FANCD2: variants seen among roughly 807,000 people sequenced by gnomAD.
The protein encoded by FANCD2 is Fanconi anemia group D2 protein.
FANCD2 carries 131 observed loss-of-function variants against 192.3 expected under a neutral mutation model. The observed-to-expected ratio is 0.68, with a 90% CI of 0.59 to 0.79. FANCD2 has a LOEUF of 0.79. Among genes scored for constraint, FANCD2 ranks in the 30% least tolerant of loss-of-function variants. FANCD2 has a pLI of 0.00. For missense variants in FANCD2, 1,508 were observed against 1,701.6 expected (o/e 0.89, Z 2.00); for synonymous variants, 524 against 612.5 (o/e 0.86, Z 2.13).
At chr3:10,061,946 A>G (rs1443152984) in intron 19 of FANCD2, among the ~76,000 whole-genome samples, 1 of 141,734 alleles carries the variant, frequency 7.1e-6, no homozygotes, top group East Asian at 2.4e-4. Context: ...CAGGAAAGGG[A>G]ACATCACACA....
At chr3:10,036,368 A>C in intron 7 of FANCD2, 29 bp downstream of exon 7, 2 of 1,543,618 alleles carry the variant, frequency 1.3e-6, no homozygotes, top group Non-Finnish European at 1.8e-6. Flanking sequence ...GAATGTTCAA[A>C]GTACCCTGAT....
chr3:10,099,225 GCA>G (rs1695159445), intron 43 of FANCD2: 3 of 1,346,778 alleles, frequency 2.2e-6, no homozygotes, highest in Non-Finnish European at 2.9e-6. Flanking sequence ...GAAAGCCAAA[GCA>G]CAGAGTCAGA....
chr3:10,067,482 C>G (rs1318991729), intron 26 of FANCD2, among the ~76,000 whole-genome samples, 165 bp downstream of exon 26: 1 of 152,156 alleles, frequency 6.6e-6, no homozygotes, highest in African/African-American at 2.4e-5. Flanking sequence ...AAAATACTAG[C>G]AAACCTAATT....
intron 4 of FANCD2, 72 bp from the exon 5 acceptor site, chr3:10,034,623 G>T: frequency 6.7e-7 from 1 of 1,493,494 alleles, no homozygotes; most frequent in Non-Finnish European, 9.3e-7. Flanking sequence ...AGTTGAGTGG[G>T]CTAGAATGAT....
At chr3:10,075,575 G>A (rs1221445026) in intron 29 of FANCD2, among the ~76,000 whole-genome samples, 1 of 152,130 alleles carries the variant, frequency 6.6e-6, no homozygotes, top group Non-Finnish European at 1.5e-5. Context: ...TATAGAAGTT[G>A]GGAGTAGAGG....
At chr3:10,058,500 G>C (rs1334019101) in intron 18 of FANCD2, among the ~76,000 whole-genome samples, 2 of 152,078 alleles carry the variant, frequency 1.3e-5, no homozygotes, top group Non-Finnish European at 2.9e-5. Flanking sequence ...TCCACTTTGT[G>C]TTAATTTTTG....
chr3:10,090,749 C>T (rs573953089), intron 37 of FANCD2, among the ~76,000 whole-genome samples: 8 of 152,344 alleles, frequency 5.3e-5, no homozygotes, highest in African/African-American at 1.4e-4. Context: ...TGCGCCACTG[C>T]GCCCGGTGGT....
At chr3:10,055,269 T>C (rs1294901335) in intron 18 of FANCD2, among the ~76,000 whole-genome samples, 3 of 152,188 alleles carry the variant, frequency 2.0e-5, no homozygotes, top group Non-Finnish European at 4.4e-5. Context: ...TATCCATTTC[T>C]AGAACTTCCT....
intron 16 of FANCD2, 146 bp downstream of exon 16, chr3:10,048,197 T>C (rs956418023): frequency 3.1e-4 from 323 of 1,046,694 alleles, no homozygotes; most frequent in Non-Finnish European, 4.3e-4. Context: ...CCAGCCTTGA[T>C]GAAAGGAAGA....
At chr3:10,089,521 G>A (rs1448657840) in intron 36 of FANCD2, among the ~76,000 whole-genome samples, 1 of 152,108 alleles carries the variant, frequency 6.6e-6, no homozygotes, top group Non-Finnish European at 1.5e-5. Context: ...CCAGGCTGGA[G>A]TGCAGTGGCG....
At chr3:10,069,475 C>T (rs1435318908) in intron 26 of FANCD2, among the ~76,000 whole-genome samples, 19 of 138,616 alleles carry the variant, frequency 1.4e-4, no homozygotes, top group Admixed American at 1.3e-3. Context: ...CCCCCTCCCC[C>T]TCCCCCTCCC....
intron 7 of FANCD2, 26 bp from the exon 8 acceptor site, chr3:10,039,253 C>A (rs1359562116): frequency 6.4e-7 from 1 of 1,570,194 alleles, no homozygotes; most frequent in African/African-American, 1.4e-5. Context: ...GGCTCAGTTC[C>A]CTGTTTTCTC....
Position 10,090,360 on chromosome 3 carries a change from C to G in FANCD2, c.3752C>G (p.Pro1251Arg). 6.2e-7 allele frequency: 1 copy of G among 1,611,772 alleles called. No individual in the cohort carries two copies. Among genetic ancestry groups the G allele is most frequent in the Non-Finnish European group, 8.5e-7 (1 of 1,179,188 alleles). ...GAGAAGACGGTGAAAAAAATTGAGC[C>G]TGGCACAGCAGCAGACTCGCAGCAG... is the stretch of plus-strand genomic sequence containing the variant. ...ELEKTVKKIE[P>R]GTAADSQQIH... Residue 1251 changes from proline (P) to arginine (R), a missense_variant, in exon 37 of 44, where the codon CCT becomes CGT. Coordinates refer to ENST00000675286, the MANE Select transcript of FANCD2 (RefSeq NM_001018115.3).
intron 26 of FANCD2, among the ~76,000 whole-genome samples, chr3:10,070,594 C>T (rs750519670): frequency 0.16 from 22,081 of 136,558 alleles, 1,232 homozygotes; most frequent in African/African-American, 0.25. Context: ...AGTGAGGAGC[C>T]CCTCTGCCCG....
chr3:10,076,716 G>GT (rs1198646541), intron 29 of FANCD2, among the ~76,000 whole-genome samples: 7 of 151,928 alleles, frequency 4.6e-5, no homozygotes, highest in Admixed American at 6.6e-5. Flanking sequence ...CACCCGGCTA[G>GT]TTTTTTTATT....
rs772531991 is a variant in FANCD2 at position 10,078,075 on chromosome 3, T to A, written c.2860-6T>A. The A allele has an allele frequency of 2.5e-6, 4 of 1,582,558 alleles. No individual in the cohort carries two copies. The Admixed American group carries it at 5.0e-5, about 20-fold the overall frequency. ...CCTGGAACTAATCCTTTCCTCCATG[T>A]GACAGGCTACAGAAGTTGTGCAACT... is the stretch of plus-strand genomic sequence containing the variant. On this transcript the variant is annotated splice_region_variant and splice_polypyrimidine_tract_variant and intron_variant, in intron 29 of 43. Coordinates refer to ENST00000675286, the MANE Select transcript of FANCD2 (RefSeq NM_001018115.3).
intron 37 of FANCD2, among the ~76,000 whole-genome samples, chr3:10,090,593 G>A (rs1694540018): frequency 6.6e-6 from 1 of 151,658 alleles, no homozygotes; most frequent in African/African-American, 2.4e-5. Context: ...TGAATAGCTG[G>A]GATTACAGGC....
intron 40 of FANCD2, 128 bp from the exon 41 acceptor site, chr3:10,095,072 G>A (rs531340070): frequency 3.9e-6 from 3 of 767,202 alleles, no homozygotes; most frequent in African/African-American, 1.7e-5. Context: ...GGCAAATTAA[G>A]ATGATTATCA....
At chr3:10,043,954 C>G in intron 14 of FANCD2, 90 bp downstream of exon 14, 1 of 1,069,512 alleles carries the variant, frequency 9.4e-7, no homozygotes, top group Admixed American at 1.8e-5. Context: ...TTCTTTCTCC[C>G]CCCTCCAGTC....
Sources: gnomAD v4.1 joint callset for allele counts (sites outside exome capture counted in the v4.1 genomes callset) on GRCh38, gnomAD v4.1.1 for gene constraint, MANE v1.5 for transcripts, NCBI Gene and HGNC (gene_info 2026-07-23, HGNC 2026-07-21) for gene names.